Variants in CREBBP observed in about 807,000 individuals in gnomAD.
The protein encoded by CREBBP is CREB-binding protein.
Under a neutral mutation model 265.0 loss-of-function variants are expected in CREBBP, and 19 were observed. That is an observed-to-expected ratio of 0.07 (90% CI 0.05 to 0.11). CREBBP has a LOEUF of 0.11. CREBBP is among the 10% of genes least tolerant of loss of function. The pLI, the probability that CREBBP is intolerant of heterozygous loss-of-function variation, is 1.00. For synonymous variants in CREBBP, 1,457 were observed against 1,223.7 expected, an observed-to-expected ratio of 1.19 and a Z score of -3.98; for missense variants, 2,525 against 3,219.0, an observed-to-expected ratio of 0.78 and a Z score of 5.22.
intron 3 of CREBBP, among the ~76,000 whole-genome samples, chr16:3,806,006 C>T (rs1274908351): frequency 1.3e-5 from 2 of 152,216 alleles, no homozygotes; most frequent in Non-Finnish European, 2.9e-5. Flanking sequence ...AGATTCTGCA[C>T]CTTCGTCCTA....
chr16:3,736,995 C>G, intron 26 of CREBBP, 180 bp from the exon 27 acceptor site: 1 of 718,680 alleles, frequency 1.4e-6, no homozygotes, highest in Non-Finnish European at 2.4e-6. Flanking sequence ...TGAGCAAATG[C>G]AAGCCTGCAA....
At chr16:3,813,209 A>G (rs1274214747) in intron 2 of CREBBP, 2 of 227,612 alleles carry the variant, frequency 8.8e-6, no homozygotes, top group Non-Finnish European at 1.7e-5. Flanking sequence ...TTCCTTCCCC[A>G]TGTAGTCCTC....
intron 1 of CREBBP, among the ~76,000 whole-genome samples, chr16:3,856,812 T>C (rs982623292): frequency 1.3e-5 from 2 of 152,132 alleles, no homozygotes; most frequent in African/African-American, 4.8e-5. Context: ...ATATTTAAGT[T>C]TGGAAAAATC....
intron 1 of CREBBP, among the ~76,000 whole-genome samples, chr16:3,862,026 G>A (rs1481341322): frequency 6.6e-6 from 1 of 152,180 alleles, no homozygotes; most frequent in Non-Finnish European, 1.5e-5. Flanking sequence ...ACTGCTCAGG[G>A]GCCCTCACTC....
At chr16:3,831,736 C>T (rs1201191466) in intron 2 of CREBBP, among the ~76,000 whole-genome samples, 1 of 152,130 alleles carries the variant, frequency 6.6e-6, no homozygotes, top group Non-Finnish European at 1.5e-5. Flanking sequence ...GTGGCTCACA[C>T]CTATAATCCC....
chr16:3,753,736 A>G (rs129984), intron 19 of CREBBP, among the ~76,000 whole-genome samples: 5,165 of 152,256 alleles, frequency 0.034, 240 homozygotes, highest in East Asian at 0.19. Flanking sequence ...CAATACACAA[A>G]AAAGACATTC....
chr16:3,789,237 T>C (rs2053454571), intron 5 of CREBBP, among the ~76,000 whole-genome samples: 2 of 151,962 alleles, frequency 1.3e-5, no homozygotes, highest in African/African-American at 4.8e-5. Flanking sequence ...CTCGGCAGAG[T>C]CCCTGAGGCT....
chr16:3,866,229 G>A (rs1025196459), intron 1 of CREBBP, among the ~76,000 whole-genome samples: 2 of 152,150 alleles, frequency 1.3e-5, no homozygotes, highest in Non-Finnish European at 2.9e-5. Context: ...TGTACCCAAC[G>A]CTCACACAGG....
At chr16:3,806,758 T>A (rs1276443606) in intron 3 of CREBBP, among the ~76,000 whole-genome samples, 1 of 152,088 alleles carries the variant, frequency 6.6e-6, no homozygotes, top group Non-Finnish European at 1.5e-5. Context: ...CGATGGCCCA[T>A]CTTCCCTCCA....
chr16:3,856,269 G>A (rs1161448381), intron 1 of CREBBP, among the ~76,000 whole-genome samples: 2 of 152,152 alleles, frequency 1.3e-5, no homozygotes, highest in African/African-American at 4.8e-5. Flanking sequence ...GACCACAGGT[G>A]TGCCCCACCA....
At chr16:3,831,466 T>C (rs1191493946) in intron 2 of CREBBP, among the ~76,000 whole-genome samples, 2 of 152,080 alleles carry the variant, frequency 1.3e-5, no homozygotes, top group Non-Finnish European at 2.9e-5. Flanking sequence ...CAAATGTTAA[T>C]ATTGGAAAAG....
chr16:3,828,026 A>C (rs1404979775), intron 2 of CREBBP, among the ~76,000 whole-genome samples: 1 of 152,148 alleles, frequency 6.6e-6, no homozygotes, highest in Admixed American at 6.5e-5. Flanking sequence ...TAAGAAAATT[A>C]ATTATGCTGG....
Position 3,880,021 on chromosome 16 carries a change from G to C in CREBBP, c.-105C>G, listed in dbSNP as rs537882177. 7.5e-5 allele frequency: 76 copies of C among 1,008,548 alleles called. No individual in the cohort carries two copies. In the East Asian group the frequency reaches 1.0e-3, roughly 13 times the overall value. The allele number at this position is 1,008,548 out of a possible 1,614,324, so 62.5% of individuals were successfully genotyped here. A position where few individuals can be genotyped will look rare whatever the true frequency, so the allele number is the denominator to read the frequency against. ...GGCTGCGAGGGAGAGGAGCGAGCGC[G>C]GGCCGCGAGCGGGCGGGCGGGCGCC... On this transcript the variant is annotated 5_prime_UTR_variant, in exon 1 of 31. Coordinates refer to ENST00000262367, the MANE Select transcript of CREBBP (RefSeq NM_004380.3).
intron 3 of CREBBP, among the ~76,000 whole-genome samples, chr16:3,808,571 G>A (rs775687403): frequency 1.6e-4 from 24 of 152,244 alleles, no homozygotes; most frequent in Non-Finnish European, 2.9e-4. Context: ...AACTGCCCTT[G>A]ACAAGCATAC....
intron 11 of CREBBP, among the ~76,000 whole-genome samples, chr16:3,777,375 A>C (rs910113849): frequency 7.2e-5 from 11 of 151,908 alleles, no homozygotes; most frequent in African/African-American, 2.4e-4. Context: ...GAAATAAATA[A>C]ATAAATAAAT....
At chr16:3,756,369 C>T (rs1455373229) in intron 19 of CREBBP, among the ~76,000 whole-genome samples, 2 of 152,242 alleles carry the variant, frequency 1.3e-5, no homozygotes, top group African/African-American at 2.4e-5. Flanking sequence ...TTACACGCTG[C>T]GGTACAGATA....
intron 1 of CREBBP, among the ~76,000 whole-genome samples, chr16:3,878,972 A>C (rs2055459876): frequency 1.3e-5 from 2 of 152,228 alleles, no homozygotes; most frequent in African/African-American, 2.4e-5. Context: ...ACAAACAAAA[A>C]GATGATTTAT....
chr16:3,772,976 T>C lies in CREBBP; in HGVS notation c.2463+775A>G, dbSNP rs575520505. 9.6e-5 allele frequency among the ~76,000 whole-genome samples: 14 copies of C among 145,420 alleles called. 1 individual carries two copies. In the East Asian group the frequency reaches 1.4e-3, roughly 15 times the overall value. ...GGTGGCGGGCATCTGTAACCCCAGGTACTTGGCAGGCTTAGGCAGGAGAAT... is the reference window on the plus strand; with the variant it reads ...GGTGGCGGGCATCTGTAACCCCAGGCACTTGGCAGGCTTAGGCAGGAGAAT... On this transcript the variant is annotated intron_variant, in intron 13 of 30. Coordinates refer to ENST00000262367, the MANE Select transcript of CREBBP (RefSeq NM_004380.3).
chr16:3,739,710 C>T lies in CREBBP; in HGVS notation c.4148G>A (p.Gly1383Glu), dbSNP rs2151337579. ...ATATGGGAAAGATTCAGACATTTCC[C>T]CAGAATCCACAAACCTGAAACAAAA... ...PGMKSRFVDS[G>E]EMSESFPYRT... The change falls in exon 25 of 31, where the codon GGG becomes GAG. Residue 1383 changes from glycine to glutamate, a missense_variant. Gly to Glu is a moderately conservative substitution (Grantham distance 98). Coordinates refer to ENST00000262367, the MANE Select transcript of CREBBP (RefSeq NM_004380.3). 1 of 1,614,212 alleles carries T rather than the reference C, an allele frequency of 6.2e-7. No homozygotes were observed.
Sources: allele counts gnomAD v4.1 joint callset (sites outside exome capture counted in the v4.1 genomes callset), GRCh38; gene constraint gnomAD v4.1.1; transcripts MANE v1.5; gene names NCBI Gene and HGNC (gene_info 2026-07-23, HGNC 2026-07-21).